VPS54: variants seen among roughly 807,000 people sequenced by gnomAD.
VPS54 encodes the protein vacuolar protein sorting-associated protein 54.
Under a neutral mutation model 121.5 loss-of-function variants are expected in VPS54, and 45 were observed. That is an observed-to-expected ratio of 0.37 (90% confidence interval 0.29 to 0.47). VPS54 has a LOEUF of 0.47. Ranked by LOEUF, VPS54 falls within the 20% of genes least tolerant of loss-of-function variation. VPS54 has a pLI of 0.99. For synonymous variants in VPS54, 371 were observed against 385.8 expected (o/e 0.96, Z 0.45); for missense variants, 1,090 against 1,131.4 (o/e 0.96, Z 0.52).
chr2:63,977,498 TAATG>T (rs1015064205), intron 3 of VPS54, among the ~76,000 whole-genome samples: 7 of 152,256 alleles, frequency 4.6e-5, no homozygotes, highest in African/African-American at 1.7e-4. Flanking sequence ...TCAAGTCTAT[TAATG>T]AACTCATCAA....
chr2:64,003,710 C>G (rs1286615739), intron 1 of VPS54, among the ~76,000 whole-genome samples: 3 of 151,984 alleles, frequency 2.0e-5, no homozygotes, highest in Admixed American at 6.6e-5. Context: ...AAACAATCAT[C>G]CATTCCAAAA....
At chr2:64,004,381 C>A (rs992455983) in intron 1 of VPS54, among the ~76,000 whole-genome samples, 1 of 152,236 alleles carries the variant, frequency 6.6e-6, no homozygotes, top group Middle Eastern at 3.4e-3. Flanking sequence ...ATTCTCATGG[C>A]GCCTAAGTAT....
chr2:63,975,124 C>A (rs533120481), intron 3 of VPS54: 93 of 1,154,604 alleles, frequency 8.1e-5, no homozygotes, highest in South Asian at 3.0e-4. Flanking sequence ...TGGTTCACTG[C>A]AACCTCCACC....
chr2:63,928,070 C>T (rs1673999085), intron 12 of VPS54, among the ~76,000 whole-genome samples: 1 of 152,126 alleles, frequency 6.6e-6, no homozygotes, highest in African/African-American at 2.4e-5. Flanking sequence ...AAGAGTGGAA[C>T]CAAGTTAGAA....
intron 11 of VPS54, among the ~76,000 whole-genome samples, chr2:63,938,498 CTT>C (rs1011981854): frequency 1.1e-4 from 17 of 151,982 alleles, no homozygotes; most frequent in African/African-American, 3.6e-4. Flanking sequence ...AACTTTCGCT[CTT>C]GTCACCCAAG....
At chr2:63,906,395 C>T (rs374585417) in intron 20 of VPS54, among the ~76,000 whole-genome samples, 5 of 151,772 alleles carry the variant, frequency 3.3e-5, no homozygotes, top group Admixed American at 3.3e-4. Flanking sequence ...TAATTGGAAA[C>T]GTAAATCTTA....
chr2:64,001,814 G>A (rs1185857886), intron 1 of VPS54, among the ~76,000 whole-genome samples: 3 of 151,868 alleles, frequency 2.0e-5, no homozygotes, highest in Admixed American at 6.6e-5. Context: ...CTGTGAGCTG[G>A]GCTGCCTGGG....
At chr2:63,938,069 T>TGTGTGTGTGTGTG (rs1264931777) in intron 11 of VPS54, among the ~76,000 whole-genome samples, 1 of 149,758 alleles carries the variant, frequency 6.7e-6, no homozygotes, top group Non-Finnish European at 1.5e-5. Context: ...GGTGTGTGTG[T>TGTGTGTGTGTGTG]GTGTGTGTGT....
chr2:63,971,803 G>A (rs1299600233), intron 4 of VPS54, among the ~76,000 whole-genome samples: 1 of 151,944 alleles, frequency 6.6e-6, no homozygotes, highest in African/African-American at 2.4e-5. Flanking sequence ...TTTACTTTAG[G>A]GTATCACTAC....
intron 11 of VPS54, among the ~76,000 whole-genome samples, chr2:63,939,405 T>A (rs1191255269): frequency 6.6e-6 from 1 of 151,976 alleles, no homozygotes; most frequent in South Asian, 2.1e-4. Context: ...AGCGTAATAC[T>A]AAAGTGACAT....
chr2:63,980,372 G>A (rs904839948), intron 3 of VPS54, among the ~76,000 whole-genome samples: 1 of 151,796 alleles, frequency 6.6e-6, no homozygotes, highest in African/African-American at 2.4e-5. Flanking sequence ...GCATATACTT[G>A]GGTCATCAGA....
At chr2:63,940,930 C>A (rs142645811) in intron 11 of VPS54, among the ~76,000 whole-genome samples, 5 of 152,152 alleles carry the variant, frequency 3.3e-5, no homozygotes, top group African/African-American at 1.2e-4. Context: ...ATTTTAGAAG[C>A]AGTCTAAATT....
chr2:63,925,566 G>A (rs1186537485), intron 12 of VPS54, among the ~76,000 whole-genome samples: 1 of 152,140 alleles, frequency 6.6e-6, no homozygotes, highest in African/African-American at 2.4e-5. Flanking sequence ...AAGAATGTTC[G>A]TGACAATCCA....
At chr2:64,015,992 C>G (rs1678666584) in intron 1 of VPS54, among the ~76,000 whole-genome samples, 3 of 152,174 alleles carry the variant, frequency 2.0e-5, no homozygotes, top group African/African-American at 7.2e-5. Context: ...ATTCTAACTT[C>G]CAAAGTCCCA....
intron 11 of VPS54, among the ~76,000 whole-genome samples, chr2:63,939,890 A>G (rs934441888): frequency 3.3e-5 from 5 of 151,948 alleles, no homozygotes; most frequent in African/African-American, 1.2e-4. Context: ...CCTCCCAAGT[A>G]GCTGGGACAA....
intron 5 of VPS54, 93 bp downstream of exon 5, chr2:63,968,864 A>AC: frequency 1.6e-5 from 3 of 193,376 alleles, no homozygotes; most frequent in Non-Finnish European, 2.3e-5. Context: ...CCAAAGGGTC[A>AC]AAAAAAAAAA....
chr2:63,986,139 TTA>T (rs1353898098), intron 1 of VPS54, among the ~76,000 whole-genome samples: 10 of 152,232 alleles, frequency 6.6e-5, no homozygotes, highest in Admixed American at 1.3e-4. Flanking sequence ...AATTATACTT[TTA>T]GTTATTTTAA....
intron 1 of VPS54, among the ~76,000 whole-genome samples, chr2:64,014,485 AG>A (rs1678587721): frequency 6.6e-6 from 1 of 152,194 alleles, no homozygotes; most frequent in Admixed American, 6.5e-5. Flanking sequence ...GTGCTACAGA[AG>A]GAAGTCAGTT....
chr2:63,991,012 G>C (rs1677292971), intron 1 of VPS54, among the ~76,000 whole-genome samples: 1 of 152,166 alleles, frequency 6.6e-6, no homozygotes, highest in Non-Finnish European at 1.5e-5. Context: ...GTGGTCACAA[G>C]AGGCCCATCT....
Sources: gnomAD v4.1 joint callset for allele counts (sites outside exome capture counted in the v4.1 genomes callset) on GRCh38, gnomAD v4.1.1 for gene constraint, MANE v1.5 for transcripts, NCBI Gene and HGNC (gene_info 2026-07-23, HGNC 2026-07-21) for gene names.